Variants in CFAP70 observed in about 807,000 individuals in gnomAD.
CFAP70 encodes cilia- and flagella-associated protein 70.
CFAP70 carries 81 observed loss-of-function variants against 137.6 expected under a neutral mutation model. The observed-to-expected ratio is 0.59, with a 90% CI of 0.49 to 0.71. The LOEUF (loss-of-function observed/expected upper bound fraction) is 0.71. CFAP70 is among the 30% of genes least tolerant of loss of function. The pLI, the probability that CFAP70 is intolerant of heterozygous loss-of-function variation, is 0.00. For missense variants in CFAP70, 976 were observed against 1,226.7 expected, an observed-to-expected ratio of 0.80 and a Z score of 3.05; for synonymous variants, 382 against 423.6, an observed-to-expected ratio of 0.90 and a Z score of 1.20.
rs149345876 is a variant in CFAP70, at chr10:73,345,220, A to G, written c.350-106T>C. ...GTGGTCAGTAAAGGCTCTGCCACTA[A>G]TACTTTAACTTCAAGACTGCACTGC... On this transcript the variant is annotated intron_variant, in intron 4 of 26. Coordinates refer to ENST00000310715, the Ensembl canonical transcript of CFAP70. 4.7e-5 allele frequency: 76 copies of G among 1,614,148 alleles called. No homozygotes were observed. The African/African-American group carries it at 9.7e-4, about 21-fold the overall frequency.
At chr10:73,359,861 G>A (rs2054937618), upstream of CFAP70, among the ~76,000 whole-genome samples, 1 of 151,880 alleles carries the variant, frequency 6.6e-6, no homozygotes, top group Admixed American at 6.6e-5. Flanking sequence ...GTGTTGGGAG[G>A]AGTCTACATT....
At chr10:73,267,361 T>C (rs2045871861) in intron 25 of CFAP70, among the ~76,000 whole-genome samples, 1 of 152,232 alleles carries the variant, frequency 6.6e-6, no homozygotes, top group African/African-American at 2.4e-5. Flanking sequence ...TAAACTGGGC[T>C]TCTTCACAGC....
At chr10:73,260,834 C>CT (rs2045095727) in intron 25 of CFAP70, among the ~76,000 whole-genome samples, 1 of 152,112 alleles carries the variant, frequency 6.6e-6, no homozygotes, top group Non-Finnish European at 1.5e-5. Flanking sequence ...ATAAATATTC[C>CT]TCATTTTATT....
intron 12 of CFAP70, among the ~76,000 whole-genome samples, chr10:73,309,920 A>G (rs2049767486): frequency 6.6e-6 from 1 of 152,126 alleles, no homozygotes; most frequent in Non-Finnish European, 1.5e-5. Flanking sequence ...GGCCTCCCAA[A>G]CTGCTAGGAT....
intron 8 of CFAP70, among the ~76,000 whole-genome samples, chr10:73,325,086 G>A (rs2051269434): frequency 6.6e-6 from 1 of 152,184 alleles, no homozygotes; most frequent in South Asian, 2.1e-4. Context: ...CAGCCACAGA[G>A]AAAGGTCAGG....
At chr10:73,354,009 A>AT (rs1455398467) in intron 2 of CFAP70, among the ~76,000 whole-genome samples, 4 of 150,488 alleles carry the variant, frequency 2.7e-5, no homozygotes, top group South Asian at 2.2e-4. Context: ...ACTGTGGAAC[A>AT]TTTTTTTTTC....
intron 19 of CFAP70, among the ~76,000 whole-genome samples, chr10:73,286,410 C>G (rs374492781): frequency 8.5e-5 from 13 of 152,258 alleles, no homozygotes; most frequent in African/African-American, 3.1e-4. Flanking sequence ...CACCACTGCA[C>G]TCCAGCCTGG....
Position 73,351,015 on chromosome 10 carries a change from GTGTA to G in CFAP70, c.251-2498_251-2495del, listed in dbSNP as rs577467084. On this transcript the variant is annotated intron_variant, in intron 3 of 26. Coordinates refer to ENST00000310715, the Ensembl canonical transcript of CFAP70. ...TATGTGTGTATATGTGTGTATGTGT[GTGTA>G]TATATATGTGTATATGTGTGTATAT... 5.4e-3 allele frequency among the ~76,000 whole-genome samples: 782 copies of G among 145,376 alleles called. 9 individuals are homozygous for G. Among genetic ancestry groups the G allele is most frequent in the African/African-American group, 0.019 (748 of 39,006 alleles).
chr10:73,309,360 G>A (rs2049697986), intron 12 of CFAP70, among the ~76,000 whole-genome samples: 1 of 152,156 alleles, frequency 6.6e-6, no homozygotes, highest in African/African-American at 2.4e-5. Context: ...ATGCGTGTGT[G>A]TGTTTATGTG....
intron 7 of CFAP70, among the ~76,000 whole-genome samples, chr10:73,332,605 C>T (rs1348896494): frequency 6.6e-6 from 1 of 152,110 alleles, no homozygotes; most frequent in Non-Finnish European, 1.5e-5. Flanking sequence ...GACAATTTGC[C>T]ACCACATCAA....
At chr10:73,256,300 C>T in intron 26 of CFAP70, 69 bp downstream of exon 27, 3 of 1,551,172 alleles carry the variant, frequency 1.9e-6, no homozygotes, top group Non-Finnish European at 2.7e-6. Flanking sequence ...TGAATTAAGC[C>T]AGTACCTCCC....
intron 25 of CFAP70, among the ~76,000 whole-genome samples, chr10:73,266,344 T>C (rs926848706): frequency 2.6e-5 from 4 of 152,182 alleles, no homozygotes; most frequent in African/African-American, 9.7e-5. Context: ...GTAACCATCA[T>C]TGTTAGTTTT....
At chr10:73,304,778 A>T (rs979876522) in intron 12 of CFAP70, among the ~76,000 whole-genome samples, 1 of 151,788 alleles carries the variant, frequency 6.6e-6, no homozygotes, top group Non-Finnish European at 1.5e-5. Flanking sequence ...TCACATCAAG[A>T]GGTAAAGTCT....
intron 19 of CFAP70, among the ~76,000 whole-genome samples, chr10:73,282,847 T>A (rs1377500556): frequency 6.7e-6 from 1 of 149,268 alleles, no homozygotes; most frequent in Non-Finnish European, 1.5e-5. Flanking sequence ...TTTTTTTTTT[T>A]TTTGAGATAG....
At chr10:73,343,515 C>A (rs1459956932) in intron 5 of CFAP70, among the ~76,000 whole-genome samples, 1 of 152,110 alleles carries the variant, frequency 6.6e-6, no homozygotes, top group Non-Finnish European at 1.5e-5. Flanking sequence ...TCAAGACCAG[C>A]CTGGCCAACA....
chr10:73,335,840 T>G (rs907887262), intron 6 of CFAP70, among the ~76,000 whole-genome samples: 3 of 151,456 alleles, frequency 2.0e-5, no homozygotes, highest in Non-Finnish European at 2.9e-5. Flanking sequence ...GTTTTTGTTT[T>G]TTTTTTTTTA....
At position 73,341,386 on chromosome 10, in the gene CFAP70, A is replaced by G. The variant is rs1301717359; in HGVS notation, c.582+13T>C. 3.1e-6 allele frequency: 5 copies of G among 1,592,894 alleles called. No individual in the cohort carries two copies. The highest frequency in any genetic ancestry group is 4.3e-6 in the Non-Finnish European group (5 of 1,168,730). ...CTAAGTTTATCACAAAAACCTGTAT[A>G]TCAGGCTCTCACCTCAGGATGGTTG... On this transcript the variant is annotated intron_variant, in intron 6 of 26. Coordinates refer to ENST00000310715, the Ensembl canonical transcript of CFAP70.
intron 6 of CFAP70, among the ~76,000 whole-genome samples, chr10:73,340,749 T>C (rs1035332247): frequency 5.3e-5 from 8 of 152,160 alleles, no homozygotes; most frequent in African/African-American, 1.7e-4. Context: ...CCTGGCCAGG[T>C]TGTGACAGCA....
chr10:73,325,328 T>C (rs1589491828), intron 8 of CFAP70, among the ~76,000 whole-genome samples: 1 of 152,096 alleles, frequency 6.6e-6, no homozygotes, highest in South Asian at 2.1e-4. Context: ...AAAGAGCTCC[T>C]GAAGGAAGCA....
Sources: gnomAD v4.1 joint callset for allele counts (sites outside exome capture counted in the v4.1 genomes callset) on GRCh38, gnomAD v4.1.1 for gene constraint, MANE v1.5 for transcripts, NCBI Gene and HGNC (gene_info 2026-07-23, HGNC 2026-07-21) for gene names.